PAPPA2: variants seen among roughly 807,000 people sequenced by gnomAD.
PAPPA2 encodes pappalysin-2.
In PAPPA2, 86 loss-of-function variants were observed where a neutral mutation model predicts 176.4. That is an observed-to-expected ratio of 0.49 (90% CI 0.41 to 0.58). PAPPA2 has a LOEUF of 0.58. Ranked by LOEUF, PAPPA2 falls within the 20% of genes least tolerant of loss-of-function variation. The probability of loss-of-function intolerance (pLI) is 0.00; values close to 1 mark genes in which losing one functional copy is unlikely to be tolerated. For missense variants in PAPPA2, 2,073 were observed against 2,256.9 expected (o/e 0.92, Z 1.65); for synonymous variants, 809 against 852.2 (o/e 0.95, Z 0.88).
intron 12 of PAPPA2, among the ~76,000 whole-genome samples, chr1:176,719,122 GT>G (rs1369026750): frequency 6.6e-6 from 1 of 151,936 alleles, no homozygotes; most frequent in African/African-American, 2.4e-5. Flanking sequence ...GCCTGGTAGT[GT>G]GAAACCACAA....
Position 176,547,439 on chromosome 1 carries a change from C to G in PAPPA2, c.-916-7968C>G, listed in dbSNP as rs538330274. 1.6e-4 allele frequency among the ~76,000 whole-genome samples: 25 copies of G among 152,296 alleles called. No individual in the cohort carries two copies. In the South Asian group the frequency reaches 4.4e-3, roughly 27 times the overall value. On this transcript the variant is annotated intron_variant, in intron 1 of 22. Coordinates refer to ENST00000367662, the MANE Select transcript of PAPPA2 (RefSeq NM_020318.3). ...TATAATCATGTCTATTGCTATGTGA[C>G]TTTTTGTAGACTATCCTTGTGTGAG...
chr1:176,652,521 C>T (rs914166703), intron 3 of PAPPA2, among the ~76,000 whole-genome samples: 3 of 151,532 alleles, frequency 2.0e-5, no homozygotes, highest in Non-Finnish European at 4.4e-5. Flanking sequence ...GGATTCATGC[C>T]CATGGGACCT....
At chr1:176,616,814 A>G (rs1197937459) in intron 3 of PAPPA2, 4 of 731,208 alleles carry the variant, frequency 5.5e-6, no homozygotes, top group Admixed American at 2.2e-5. Context: ...AAAATACTCA[A>G]TAGGGTTATG....
At chr1:176,464,530 A>T (rs1407599398) in intron 1 of PAPPA2, among the ~76,000 whole-genome samples, 1 of 152,118 alleles carries the variant, frequency 6.6e-6, no homozygotes, top group Non-Finnish European at 1.5e-5. Context: ...CTGAATTTTT[A>T]TTTTGCACCA....
intron 12 of PAPPA2, among the ~76,000 whole-genome samples, chr1:176,731,704 T>C (rs1424082074): frequency 2.0e-5 from 3 of 151,036 alleles, no homozygotes; most frequent in East Asian, 1.9e-4. Flanking sequence ...TGTACATATA[T>C]GTGTATATAT....
At chr1:176,638,358 A>G (rs1448403560) in intron 3 of PAPPA2, among the ~76,000 whole-genome samples, 1 of 152,050 alleles carries the variant, frequency 6.6e-6, no homozygotes, top group African/African-American at 2.4e-5. Context: ...AAATAGAAAA[A>G]GAAAAAAAAA....
At position 176,556,886 on chromosome 1, in the gene PAPPA2, A is replaced by G. The variant is rs1209620024; in HGVS notation, c.564A>G (p.Gln188=). 2 of 1,614,136 alleles carry G rather than the reference A, an allele frequency of 1.2e-6. No homozygotes were observed. The highest frequency in any genetic ancestry group is 4.5e-5 in the East Asian group (2 of 44,878). ...TTLNEPKPET[Q]RRGWAKSRQR... ...TGAACGAACCCAAACCAGAGACCCA[A>G]AGGAGGGGCTGGGCCAAGTCCAGGC... The change falls in exon 2 of 23, where the codon CAA becomes CAG. Residue 188 remains glutamine (Q), a synonymous_variant. Transcript: ENST00000367662.
At chr1:176,649,376 A>T (rs1657584145) in intron 3 of PAPPA2, among the ~76,000 whole-genome samples, 1 of 150,682 alleles carries the variant, frequency 6.6e-6, no homozygotes, top group Non-Finnish European at 1.5e-5. Flanking sequence ...TTTTAAAAAA[A>T]ACTTTTGTTT....
At chr1:176,826,903 C>G (rs998283847) in intron 21 of PAPPA2, among the ~76,000 whole-genome samples, 1 of 152,202 alleles carries the variant, frequency 6.6e-6, no homozygotes, top group Non-Finnish European at 1.5e-5. Context: ...GCTACTTAAT[C>G]AAGATCTATG....
intron 3 of PAPPA2, among the ~76,000 whole-genome samples, chr1:176,602,254 G>C (rs533990205): frequency 6.6e-6 from 1 of 152,136 alleles, no homozygotes; most frequent in South Asian, 2.1e-4. Context: ...TGGGGAGTTC[G>C]AGGGCGGAGG....
chr1:176,756,321 G>C (rs1424507762), intron 14 of PAPPA2, among the ~76,000 whole-genome samples: 3 of 152,130 alleles, frequency 2.0e-5, no homozygotes, highest in African/African-American at 7.2e-5. Flanking sequence ...TCTTCATGTT[G>C]AATAGGTTGA....
At position 176,548,035 on chromosome 1, in the gene PAPPA2, G is replaced by A. The variant is rs1310681599; in HGVS notation, c.-916-7372G>A. 6.6e-5 allele frequency among the ~76,000 whole-genome samples: 10 copies of A among 152,134 alleles called. No individual in the cohort carries two copies. In the East Asian group the frequency reaches 1.7e-3, roughly 26 times the overall value. The stretch of plus-strand genomic sequence containing the variant: ...TGAAAGCTGACTAATACAGACATGT[G>A]GAGGAAAGTGCAGGATACATTAGAG... On this transcript the variant is annotated intron_variant, in intron 1 of 22. Transcript: ENST00000367662.
chr1:176,740,999 G>T (rs1280309699), intron 14 of PAPPA2, among the ~76,000 whole-genome samples: 1 of 152,042 alleles, frequency 6.6e-6, no homozygotes, highest in East Asian at 1.9e-4. Flanking sequence ...AAGAAATTCT[G>T]GTGCCACAAA....
chr1:176,726,420 G>C (rs1297754636), intron 12 of PAPPA2, among the ~76,000 whole-genome samples: 1 of 152,192 alleles, frequency 6.6e-6, no homozygotes, highest in Non-Finnish European at 1.5e-5. Context: ...ACTGAGTGCA[G>C]AGCCTGCTTA....
intron 3 of PAPPA2, among the ~76,000 whole-genome samples, chr1:176,640,759 C>T (rs1175131415): frequency 4.0e-5 from 6 of 150,472 alleles, no homozygotes; most frequent in Admixed American, 1.3e-4. Flanking sequence ...CCTGAGGAAT[C>T]GCCACACTGA....
At chr1:176,699,621 T>C in intron 8 of PAPPA2, 32 bp downstream of exon 8, 2 of 1,565,886 alleles carry the variant, frequency 1.3e-6, no homozygotes, top group South Asian at 2.4e-5. Context: ...TGGGGCTTCC[T>C]GAGGCTCTGG....
At chr1:176,743,654 AC>A (rs1251483844) in intron 14 of PAPPA2, among the ~76,000 whole-genome samples, 1 of 152,188 alleles carries the variant, frequency 6.6e-6, no homozygotes, top group Non-Finnish European at 1.5e-5. Flanking sequence ...CTAAAATATA[AC>A]CCAGACACCA....
At chr1:176,535,872 GC>G (rs1472858002) in intron 1 of PAPPA2, among the ~76,000 whole-genome samples, 1 of 152,200 alleles carries the variant, frequency 6.6e-6, no homozygotes, top group Non-Finnish European at 1.5e-5. Flanking sequence ...AGTAAGTGCT[GC>G]CTGTCACTAT....
chr1:176,840,758 C>T (rs987176983), intron 22 of PAPPA2, among the ~76,000 whole-genome samples: 4 of 152,118 alleles, frequency 2.6e-5, no homozygotes, highest in African/African-American at 7.2e-5. Flanking sequence ...CTTTCTAATG[C>T]CCTTTATCCC....
Sources: gnomAD v4.1 joint callset for allele counts (sites outside exome capture counted in the v4.1 genomes callset) on GRCh38, gnomAD v4.1.1 for gene constraint, MANE v1.5 for transcripts, NCBI Gene and HGNC (gene_info 2026-07-23, HGNC 2026-07-21) for gene names.